The following AK9 variants were observed in gnomAD, a reference collection of about 807,000 sequenced individuals.
The protein encoded by AK9 is adenylate kinase 9.
In AK9, 191 loss-of-function variants were observed where a neutral mutation model predicts 239.6. That is an observed-to-expected ratio of 0.80 (90% CI 0.71 to 0.90). AK9 has a LOEUF of 0.90. Among genes scored for constraint, AK9 ranks in the 40% least tolerant of loss-of-function variants. The probability of loss-of-function intolerance (pLI) is 0.00; values close to 1 mark genes in which losing one functional copy is unlikely to be tolerated. For missense variants in AK9, 1,995 were observed against 2,214.7 expected (o/e 0.90, Z 1.99); for synonymous variants, 689 against 721.0 (o/e 0.96, Z 0.71).
rs538193641 is a variant in AK9, at chr6:109,580,922, T to C, written c.2115-1296A>G. On this transcript the variant is annotated intron_variant, in intron 19 of 40. Transcript: ENST00000424296. ...TATCGTGGTTTTTTTTTGTGTTTTT[T>C]TGTTTTGTTTTACAAGTTGAGGGTT... Among the ~76,000 whole-genome samples, 3 of 152,016 alleles carry C rather than the reference T, an allele frequency of 2.0e-5. No homozygotes were observed. In the South Asian group the frequency reaches 6.2e-4, roughly 32 times the overall value.
chr6:109,632,572 A>G (rs1465348881), intron 12 of AK9: 1 of 275,384 alleles, frequency 3.6e-6, no homozygotes, highest in East Asian at 1.5e-4. Flanking sequence ...GAGTGATTAT[A>G]TGGGGAGAGT....
At chr6:109,511,680 T>C (rs1418196587) in intron 32 of AK9, among the ~76,000 whole-genome samples, 1 of 152,186 alleles carries the variant, frequency 6.6e-6, no homozygotes, top group Non-Finnish European at 1.5e-5. Context: ...GGACGATGAT[T>C]GACCAGGGAC....
chr6:109,620,172 C>T (rs148226582), intron 12 of AK9, among the ~76,000 whole-genome samples: 1 of 152,154 alleles, frequency 6.6e-6, no homozygotes, highest in African/African-American at 2.4e-5. Flanking sequence ...GGGTAAATAC[C>T]TAGGAGTGAA....
chr6:109,618,676 C>T (rs564960674), intron 13 of AK9, among the ~76,000 whole-genome samples: 5 of 152,246 alleles, frequency 3.3e-5, no homozygotes, highest in East Asian at 3.9e-4. Flanking sequence ...AGTTTCATCG[C>T]ATTAAATTAA....
At chr6:109,659,122 GA>G in intron 7 of AK9, 105 bp downstream of exon 7, 2 of 1,313,674 alleles carry the variant, frequency 1.5e-6, no homozygotes, top group Non-Finnish European at 2.0e-6. Context: ...AAGATGTAAA[GA>G]AAATGTATAG....
At chr6:109,637,216 A>T (rs1796831957) in intron 10 of AK9, among the ~76,000 whole-genome samples, 4 of 152,174 alleles carry the variant, frequency 2.6e-5, no homozygotes, top group Admixed American at 2.6e-4. Flanking sequence ...TGTCTATTCA[A>T]ATCCTTTGCC....
Position 109,506,683 on chromosome 6 carries a change from T to C in AK9, c.4599A>G (p.Arg1533=). 1 of 1,534,382 alleles carries C rather than the reference T, an allele frequency of 6.5e-7. No homozygotes were observed. The highest frequency in any genetic ancestry group is 8.8e-7 in the Non-Finnish European group (1 of 1,135,638). ...LSVPSKEIFK[R]LLLEKENEQR... ...GTTCATTTTCTTTTTCTAGGAGCAA[T>C]CTTTTGAAAATCTCCTTGGAAGGCA... Residue 1533 remains arginine (R), a synonymous_variant, in exon 34 of 41, where the codon AGA becomes AGG. Transcript: ENST00000424296.
At position 109,672,109 on chromosome 6, in the gene AK9, G is replaced by GT. The variant is rs777064607; in HGVS notation, c.234+5dup. 3.0e-5 allele frequency: 48 copies of GT among 1,613,194 alleles called. No individual in the cohort carries two copies. Among genetic ancestry groups the GT allele is most frequent in the Non-Finnish European group, 4.0e-5 (47 of 1,179,678 alleles). On this transcript the variant is annotated splice_donor_region_variant and intron_variant, in intron 4 of 40. Coordinates refer to ENST00000424296, the MANE Select transcript of AK9 (RefSeq NM_001145128.3). ...CATAGTTACTTTGAAATTTAGGTTTGTTTACCATAACTCCTGATTCGGTTT... is the reference window on the plus strand; with the variant it reads ...CATAGTTACTTTGAAATTTAGGTTTGTTTTACCATAACTCCTGATTCGGTTT...
At chr6:109,619,904 T>A (rs2128248640) in intron 12 of AK9, among the ~76,000 whole-genome samples, 1 of 152,312 alleles carries the variant, frequency 6.6e-6, no homozygotes, top group Non-Finnish European at 1.5e-5. Context: ...TAGAATTTCA[T>A]ATAAATGAAA....
intron 24 of AK9, among the ~76,000 whole-genome samples, chr6:109,562,450 C>T (rs184732660): frequency 8.7e-4 from 133 of 152,300 alleles, no homozygotes; most frequent in Non-Finnish European, 8.4e-4. Context: ...AGAACACCTT[C>T]GTCAGTTCTG....
intron 29 of AK9, chr6:109,528,080 G>A (rs959736373): frequency 5.8e-6 from 1 of 172,058 alleles, no homozygotes; most frequent in Non-Finnish European, 1.3e-5. Flanking sequence ...ACCAGGCACT[G>A]GAGAGCAGTG....
chr6:109,579,483 G>C, intron 20 of AK9, 67 bp downstream of exon 20: 1 of 1,437,074 alleles, frequency 7.0e-7, no homozygotes, highest in South Asian at 1.3e-5. Flanking sequence ...TAATTCACTT[G>C]AAATACTGCA....
intron 17 of AK9, among the ~76,000 whole-genome samples, chr6:109,604,821 T>C (rs1049164764): frequency 6.6e-6 from 1 of 152,230 alleles, no homozygotes; most frequent in Non-Finnish European, 1.5e-5. Context: ...CATTTAAGAA[T>C]TTATGTCTCT....
intron 36 of AK9, among the ~76,000 whole-genome samples, chr6:109,498,600 A>G (rs778253887): frequency 6.6e-6 from 1 of 152,232 alleles, no homozygotes; most frequent in Non-Finnish European, 1.5e-5. Flanking sequence ...CATTAAGCAG[A>G]AATATAAGGT....
chr6:109,558,608 AT>A lies in AK9; in HGVS notation c.2751+4988del, dbSNP rs774770579. Among the ~76,000 whole-genome samples the A allele has an allele frequency of 5.6e-4, 85 of 152,310 alleles. 1 individual carries two copies. The highest frequency in any genetic ancestry group is 9.7e-4 in the Non-Finnish European group (66 of 68,034). On this transcript the variant is annotated intron_variant, in intron 24 of 40. Transcript: ENST00000424296. Reference sequence around the variant, plus strand: ...TTTGCTGTTTTGTGCCAATGACACTATTTTGATAGCTATAACTTTATAATTA... The same window carrying A: ...TTTGCTGTTTTGTGCCAATGACACTATTTGATAGCTATAACTTTATAATTA...
At chr6:109,559,268 T>C (rs796937914) in intron 24 of AK9, among the ~76,000 whole-genome samples, 1 of 152,002 alleles carries the variant, frequency 6.6e-6, no homozygotes, top group Non-Finnish European at 1.5e-5. Context: ...CCCGGGTTCA[T>C]GCCATTCTCC....
chr6:109,518,448 C>T (rs1779488890), intron 29 of AK9, among the ~76,000 whole-genome samples: 1 of 152,066 alleles, frequency 6.6e-6, no homozygotes, highest in Non-Finnish European at 1.5e-5. Flanking sequence ...AACTTGTTCT[C>T]ACCTCTCTGG....
At chr6:109,589,688 T>G (rs1789966456) in intron 17 of AK9, among the ~76,000 whole-genome samples, 1 of 152,222 alleles carries the variant, frequency 6.6e-6, no homozygotes, top group East Asian at 1.9e-4. Flanking sequence ...CAGTAAAATG[T>G]TGGCAGTGGG....
rs570652439 is a variant in AK9 at position 109,668,756 on chromosome 6, T to C, written c.331+3163A>G. On this transcript the variant is annotated intron_variant, in intron 5 of 40. Transcript: ENST00000424296. The stretch of plus-strand genomic sequence containing the variant: ...GCCTCTGTTCTGTTCCATTGGTCTA[T>C]ATCTCTGTTTTGGTACCAGTACCAC... 1.2e-3 allele frequency among the ~76,000 whole-genome samples: 111 copies of C among 90,948 alleles called. 5 individuals carry two copies. The highest frequency in any genetic ancestry group is 0.015 in the Middle Eastern group (2 of 132). The allele number at this position is 90,948 out of a possible 152,430, so 59.7% of individuals were successfully genotyped here. A position where few individuals can be genotyped will look rare whatever the true frequency, so the allele number is the denominator to read the frequency against.
Sources: allele counts gnomAD v4.1 joint callset (sites outside exome capture counted in the v4.1 genomes callset), GRCh38; gene constraint gnomAD v4.1.1; transcripts MANE v1.5; gene names NCBI Gene and HGNC (gene_info 2026-07-23, HGNC 2026-07-21).